Variants in CRYBG1 observed in about 807,000 individuals in gnomAD.
The protein encoded by CRYBG1 is crystallin beta-gamma domain containing 1.
CRYBG1 carries 139 observed loss-of-function variants against 189.2 expected under a neutral mutation model. The ratio of observed to expected loss-of-function variants is 0.73; its 90% CI spans 0.64 to 0.85. The LOEUF (loss-of-function observed/expected upper bound fraction) is 0.85. Among genes scored for constraint, CRYBG1 ranks in the 40% least tolerant of loss-of-function variants. CRYBG1 has a pLI of 0.00. For missense variants in CRYBG1, 2,611 were observed against 2,675.8 expected, an observed-to-expected ratio of 0.98 and a Z score of 0.53; for synonymous variants, 1,023 against 1,017.1, an observed-to-expected ratio of 1.01 and a Z score of -0.11.
chr6:106,431,076 G>T (rs189210325), intron 1 of CRYBG1, among the ~76,000 whole-genome samples: 68 of 152,154 alleles, frequency 4.5e-4, no homozygotes, highest in African/African-American at 1.4e-3. Context: ...CAGCCAGGCT[G>T]GTCTCAAACT....
chr6:106,519,363 T>G lies in CRYBG1; in HGVS notation c.2155T>G (p.Leu719Val), dbSNP rs1380618277. Residue 719 changes from leucine to valine, a missense_variant, in exon 4 of 22, where the codon TTA (leucine) becomes GTA (valine). Around this residue, in one of 3 missense-constraint regions of CRYBG1, gnomAD observed 1,622 missense variants for 1,735.0 expected, o/e 0.93. Coordinates refer to ENST00000633556, the MANE Select transcript of CRYBG1 (RefSeq NM_001371242.2). ...KTFVGRAKLN[L>V]AKKAKEMEQP... ...GTTTGTTGGGAGGGCAAAGCTGAAT[T>G]TAGCCAAAAAAGCCAAAGAAATGGA... The G allele has an allele frequency of 6.2e-7, 1 of 1,614,072 alleles. No homozygotes were observed. Among genetic ancestry groups the G allele is most frequent in the Non-Finnish European group, 8.5e-7 (1 of 1,180,010 alleles).
rs1484707821 is a variant in CRYBG1, at chr6:106,558,130, T to C, written c.5716-356T>C. ...ACAGCCCTCTGACCCTTGGCAATTA[T>C]GTCCATGACTTTCCAGCCCCTCCTT... On this transcript the variant is annotated intron_variant, in intron 17 of 21. Coordinates refer to ENST00000633556, the MANE Select transcript of CRYBG1 (RefSeq NM_001371242.2). Among the ~76,000 whole-genome samples the C allele has an allele frequency of 4.0e-5, 6 of 148,736 alleles. No homozygotes were observed. In the Admixed American group the frequency reaches 4.1e-4, roughly 10 times the overall value.
chr6:106,494,244 A>G (rs1262657772), intron 2 of CRYBG1, among the ~76,000 whole-genome samples: 3 of 152,130 alleles, frequency 2.0e-5, no homozygotes, highest in African/African-American at 7.2e-5. Flanking sequence ...GGCAGAGGAG[A>G]ATGGGAGTTT....
chr6:106,379,615 A>G (rs1358690209), intron 1 of CRYBG1, among the ~76,000 whole-genome samples: 1 of 151,812 alleles, frequency 6.6e-6, no homozygotes, highest in East Asian at 2.0e-4. Context: ...GCTGAAGTGC[A>G]GTATACGATC....
intron 18 of CRYBG1, among the ~76,000 whole-genome samples, chr6:106,560,474 T>A (rs1774683788): frequency 6.6e-6 from 1 of 152,206 alleles, no homozygotes; most frequent in Admixed American, 6.5e-5. Context: ...TAAAGACCCA[T>A]TATTACAACT....
At chr6:106,404,845 C>T (rs934461099) in intron 1 of CRYBG1, among the ~76,000 whole-genome samples, 1 of 152,192 alleles carries the variant, frequency 6.6e-6, no homozygotes, top group Non-Finnish European at 1.5e-5. Flanking sequence ...ACGGTGCACT[C>T]TGGCCCAGGT....
At chr6:106,387,351 G>A (rs1393084920) in intron 1 of CRYBG1, among the ~76,000 whole-genome samples, 1 of 152,160 alleles carries the variant, frequency 6.6e-6, no homozygotes, top group East Asian at 1.9e-4. Flanking sequence ...AGCTGAGGAA[G>A]GTAATCTTGT....
Position 106,520,913 on chromosome 6 carries a change from G to A in CRYBG1, c.3705G>A (p.Ser1235=), listed in dbSNP as rs544194019. 5.0e-6 allele frequency: 8 copies of A among 1,614,148 alleles called. No homozygotes were observed. In the African/African-American group the frequency reaches 5.3e-5, roughly 11 times the overall value. The change falls in exon 4 of 22, where the codon TCG becomes TCA. Residue 1235 remains serine (S), a synonymous_variant. Transcript: ENST00000633556. The stretch of plus-strand genomic sequence containing the variant: ...TCACAAATGGTGGCATTAAGAGATC[G>A]AGACTAGAAAAAAGTGCACTTTTCT... The part of the protein sequence containing the change: ...RDVTNGGIKR[S]RLEKSALFSS...
intron 1 of CRYBG1, among the ~76,000 whole-genome samples, chr6:106,368,438 T>G (rs1769946814): frequency 6.6e-6 from 1 of 152,172 alleles, no homozygotes; most frequent in Non-Finnish European, 1.5e-5. Context: ...TGTTCTTCTG[T>G]CTACCTTGAA....
At chr6:106,558,739 G>C in intron 18 of CRYBG1, 114 bp downstream of exon 18, 1 of 800,032 alleles carries the variant, frequency 1.2e-6, no homozygotes, top group Non-Finnish European at 1.8e-6. Context: ...GAGGTAGAAG[G>C]ATCATTTGAA....
chr6:106,527,206 CTA>C (rs35141677), intron 6 of CRYBG1, 97 bp from the exon 7 acceptor site: 1,410 of 894,454 alleles, frequency 1.6e-3, no homozygotes, highest in Non-Finnish European at 1.8e-3. Flanking sequence ...TGCTAATATT[CTA>C]TATATATATA....
intron 16 of CRYBG1, 89 bp downstream of exon 16, chr6:106,553,656 G>A (rs1033523888): frequency 3.4e-6 from 3 of 889,264 alleles, no homozygotes; most frequent in Non-Finnish European, 1.8e-6. Context: ...CCTGTTAGGT[G>A]CTTGGCACTA....
At chr6:106,480,154 C>A (rs1772413011) in intron 2 of CRYBG1, among the ~76,000 whole-genome samples, 1 of 152,046 alleles carries the variant, frequency 6.6e-6, no homozygotes, top group South Asian at 2.1e-4. Context: ...TGACATGATG[C>A]CAGGGGAGAC....
intron 2 of CRYBG1, among the ~76,000 whole-genome samples, chr6:106,464,032 A>T (rs1040937108): frequency 6.6e-6 from 1 of 152,240 alleles, no homozygotes; most frequent in Non-Finnish European, 1.5e-5. Context: ...CAAATGGACA[A>T]CTGTAATTTA....
At chr6:106,402,903 A>AT (rs1294288708) in intron 1 of CRYBG1, among the ~76,000 whole-genome samples, 1 of 152,208 alleles carries the variant, frequency 6.6e-6, no homozygotes, top group African/African-American at 2.4e-5. Flanking sequence ...ATGGCATGGC[A>AT]CATGCTGGAT....
chr6:106,361,183 GC>G (rs1771860905), intron 1 of CRYBG1, 102 bp downstream of exon 1: 2 of 1,355,716 alleles, frequency 1.5e-6, no homozygotes. Context: ...GGAGGGGAAA[GC>G]CCCGGGGTCT....
chr6:106,431,626 C>T (rs993006462), intron 1 of CRYBG1, among the ~76,000 whole-genome samples: 4 of 152,136 alleles, frequency 2.6e-5, no homozygotes, highest in Non-Finnish European at 5.9e-5. Flanking sequence ...AATTATTCTA[C>T]CCGTAGGTGG....
At chr6:106,558,409 G>A in intron 17 of CRYBG1, 77 bp from the exon 18 acceptor site, 2 of 1,291,836 alleles carry the variant, frequency 1.5e-6, no homozygotes, top group Non-Finnish European at 2.1e-6. Context: ...CTTTGTCCTT[G>A]TAACAAGATG....
intron 2 of CRYBG1, among the ~76,000 whole-genome samples, chr6:106,472,909 T>TAAAAA (rs34714366): frequency 0.013 from 1,812 of 137,152 alleles, 43 homozygotes; most frequent in African/African-American, 0.047. Context: ...GTCTCAAAAT[T>TAAAAA]AAAAAAAAAA....
Sources: allele counts gnomAD v4.1 joint callset (sites outside exome capture counted in the v4.1 genomes callset), GRCh38; gene constraint gnomAD v4.1.1; regional missense constraint gnomAD v4.1.1; transcripts MANE v1.5; gene names NCBI Gene and HGNC (gene_info 2026-07-23, HGNC 2026-07-21).